HSPA12A: variants seen among roughly 807,000 people sequenced by gnomAD.
HSPA12A encodes heat shock 70 kDa protein 12A.
A neutral mutation model predicts 69.2 loss-of-function variants in HSPA12A; 28 were observed. The ratio of observed to expected loss-of-function variants is 0.40; its 90% CI spans 0.30 to 0.55. HSPA12A has a LOEUF of 0.55. Ranked by LOEUF, HSPA12A falls within the 20% of genes least tolerant of loss-of-function variation. HSPA12A has a pLI of 0.38. For synonymous variants in HSPA12A, 345 were observed against 370.5 expected (o/e 0.93, Z 0.79); for missense variants, 686 against 900.7 (o/e 0.76, Z 3.05).
chr10:116,773,189 G>C (rs113878452), intron 2 of HSPA12A, among the ~76,000 whole-genome samples: 65 of 152,360 alleles, frequency 4.3e-4, no homozygotes, highest in African/African-American at 1.5e-3. Flanking sequence ...AGGGAGGCAA[G>C]AGCAGGCCCA....
At position 116,673,376 on chromosome 10, in the gene HSPA12A, G is replaced by A. The variant is rs1447116848; in HGVS notation, c.*1405C>T. The stretch of plus-strand genomic sequence containing the variant: ...GAGCCCCAATCCCATTGACCAAGAG[G>A]GCAAGGTATGGGGTCACCTTCTCAT... On this transcript the variant is annotated 3_prime_UTR_variant, in exon 12 of 12. Transcript: ENST00000369209. The A allele has an allele frequency of 6.6e-6, 1 of 152,088 alleles. No individual in the cohort carries two copies. The highest frequency in any genetic ancestry group is 1.5e-5 in the Non-Finnish European group (1 of 68,024). 9.4% of individuals were successfully genotyped at this position (152,088 alleles called of 1,614,324 possible). A position where few individuals can be genotyped will look rare whatever the true frequency, so the allele number is the denominator to read the frequency against.
chr10:116,846,584 G>A lies in HSPA12A; in HGVS notation c.3+2982C>T, dbSNP rs112191042. Among the ~76,000 whole-genome samples, 436 of 152,202 alleles carry A rather than the reference G, an allele frequency of 2.9e-3. 2 individuals are homozygous for A. The highest frequency in any genetic ancestry group is 9.7e-3 in the African/African-American group (403 of 41,548). ...AGGATGGTCTTGATCTCCTGACCTC[G>A]TGATCCGCCCGCCTCGGCTTCCCAA... On this transcript the variant is annotated intron_variant, in intron 1 of 12. Coordinates refer to the HSPA12A transcript ENST00000635765.
At chr10:116,774,084 A>G (rs1382951901) in intron 2 of HSPA12A, among the ~76,000 whole-genome samples, 1 of 149,200 alleles carries the variant, frequency 6.7e-6, no homozygotes, top group Non-Finnish European at 1.5e-5. Context: ...ATCTCTGCTC[A>G]CTGCAAGCTC....
intron 1 of HSPA12A, among the ~76,000 whole-genome samples, chr10:116,714,504 G>T (rs1850546007): frequency 6.6e-6 from 1 of 151,958 alleles, no homozygotes; most frequent in Admixed American, 6.5e-5. Flanking sequence ...CTACAGCCTT[G>T]GTCCAGATCC....
intron 2 of HSPA12A, chr10:116,830,236 A>G (rs1336691966): frequency 6.6e-6 from 1 of 152,198 alleles, no homozygotes; most frequent in African/African-American, 2.4e-5. Flanking sequence ...CTTTAGAAAC[A>G]TGTAGGCCAA....
At chr10:116,792,077 G>T (rs1844711003) in intron 2 of HSPA12A, among the ~76,000 whole-genome samples, 1 of 151,538 alleles carries the variant, frequency 6.6e-6, no homozygotes, top group African/African-American at 2.4e-5. Flanking sequence ...TAATAATGAT[G>T]GCCATAAATA....
chr10:116,817,934 C>T (rs1317402320), intron 2 of HSPA12A, among the ~76,000 whole-genome samples: 1 of 152,204 alleles, frequency 6.6e-6, no homozygotes, highest in East Asian at 1.9e-4. Context: ...TCGCCACCTC[C>T]AATTAGGCGC....
chr10:116,803,755 G>A (rs1320790854), intron 2 of HSPA12A, among the ~76,000 whole-genome samples: 1 of 152,234 alleles, frequency 6.6e-6, no homozygotes, highest in Non-Finnish European at 1.5e-5. Context: ...ACAAAGGGAT[G>A]TGAGCTTGAC....
At chr10:116,730,064 TC>T (rs782715618) in intron 1 of HSPA12A, among the ~76,000 whole-genome samples, 1 of 152,118 alleles carries the variant, frequency 6.6e-6, no homozygotes, top group Non-Finnish European at 1.5e-5. Flanking sequence ...GCACCTATAA[TC>T]CCAGCTACTT....
intron 2 of HSPA12A, among the ~76,000 whole-genome samples, chr10:116,780,947 C>G (rs10886009): frequency 0.24 from 37,255 of 152,118 alleles, 5,090 homozygotes; most frequent in South Asian, 0.4. Context: ...TTTGCCTATT[C>G]AAGTTCACTG....
chr10:116,816,577 G>A (rs964790758), intron 2 of HSPA12A, among the ~76,000 whole-genome samples: 4 of 152,242 alleles, frequency 2.6e-5, no homozygotes, highest in African/African-American at 9.6e-5. Context: ...TTAAGCTGGT[G>A]AGACACACAG....
At chr10:116,683,717 T>C in intron 7 of HSPA12A, 74 bp downstream of exon 7, 2 of 1,366,998 alleles carry the variant, frequency 1.5e-6, no homozygotes, top group Non-Finnish European at 1.9e-6. Flanking sequence ...GCCTTTAAAA[T>C]CATCAGAGGG....
chr10:116,837,285 A>C (rs1334252952), intron 1 of HSPA12A, among the ~76,000 whole-genome samples: 1 of 152,208 alleles, frequency 6.6e-6, no homozygotes, highest in Non-Finnish European at 1.5e-5. Context: ...TATCTAAATC[A>C]GAAAGAAACC....
At chr10:116,750,522 C>A (rs781877563) in intron 2 of HSPA12A, 13 of 428,152 alleles carry the variant, frequency 3.0e-5, no homozygotes, top group Admixed American at 1.6e-4. Context: ...GTGGATTATA[C>A]GCATTTCCTA....
intron 1 of HSPA12A, among the ~76,000 whole-genome samples, chr10:116,714,934 C>T (rs540723311): frequency 1.8e-4 from 28 of 152,316 alleles, no homozygotes; most frequent in African/African-American, 6.7e-4. Flanking sequence ...AGTCAGCCTC[C>T]TCTTTTAAGA....
chr10:116,784,892 G>A (rs1325200633), intron 2 of HSPA12A, among the ~76,000 whole-genome samples: 3 of 152,186 alleles, frequency 2.0e-5, no homozygotes, highest in African/African-American at 7.2e-5. Context: ...GAGATGCTGA[G>A]GGCACGTGTC....
chr10:116,813,978 C>T (rs1845249247), intron 2 of HSPA12A, among the ~76,000 whole-genome samples: 1 of 152,052 alleles, frequency 6.6e-6, no homozygotes, highest in Admixed American at 6.5e-5. Flanking sequence ...GAAAAAAAGA[C>T]AATAGGAACA....
chr10:116,729,462 G>A (rs2133044128), intron 1 of HSPA12A, among the ~76,000 whole-genome samples: 1 of 152,266 alleles, frequency 6.6e-6, no homozygotes, highest in South Asian at 2.1e-4. Context: ...CGACATGAGG[G>A]TTAGGGGCAC....
chr10:116,721,246 G>A (rs1179301044), intron 1 of HSPA12A, among the ~76,000 whole-genome samples: 2 of 152,180 alleles, frequency 1.3e-5, no homozygotes, highest in African/African-American at 4.8e-5. Flanking sequence ...CCTAACTTCA[G>A]AGCAGTAAAG....
Sources: gnomAD v4.1 joint callset for allele counts (sites outside exome capture counted in the v4.1 genomes callset) on GRCh38, gnomAD v4.1.1 for gene constraint, MANE v1.5 for transcripts, NCBI Gene and HGNC (gene_info 2026-07-23, HGNC 2026-07-21) for gene names.